The following MIGA2 variants were observed in gnomAD, a reference collection of about 807,000 sequenced individuals.
MIGA2 encodes the protein mitoguardin 2.
In MIGA2, 36 loss-of-function variants were observed where a neutral mutation model predicts 69.9. The observed-to-expected ratio is 0.52, with a 90% CI of 0.39 to 0.68. The LOEUF is 0.68. Ranked by LOEUF, MIGA2 falls within the 30% of genes least tolerant of loss-of-function variation. MIGA2 has a pLI of 0.00. For synonymous variants in MIGA2, 333 were observed against 349.2 expected (o/e 0.95, Z 0.52); for missense variants, 660 against 787.7 (o/e 0.84, Z 1.94).
chr9:129,046,009 A>G (rs573419885), intron 3 of MIGA2, among the ~76,000 whole-genome samples: 8 of 151,910 alleles, frequency 5.3e-5, no homozygotes, highest in Non-Finnish European at 1.2e-4. Flanking sequence ...GCGTGCCACC[A>G]CGCCCAGCTA....
At chr9:129,055,308 C>T (rs1229873214) in intron 6 of MIGA2, among the ~76,000 whole-genome samples, 4 of 151,916 alleles carry the variant, frequency 2.6e-5, no homozygotes, top group Non-Finnish European at 5.9e-5. Context: ...GAACTCCTGA[C>T]CTCAGGTGAT....
rs999114357 is a variant in MIGA2, at chr9:129,049,472, G to A, written c.512G>A (p.Gly171Asp). The A allele has an allele frequency of 6.2e-6, 10 of 1,613,526 alleles. No individual in the cohort carries two copies. Among genetic ancestry groups the A allele is most frequent in the Non-Finnish European group, 8.5e-6 (10 of 1,179,846 alleles). The change falls in exon 5 of 16, where the codon GGC becomes GAC. Residue 171 changes from glycine to aspartate, a missense_variant. This residue lies in a region of MIGA2 where 386 missense variants were observed against 402.0 expected (regional missense o/e 0.96). Transcript: ENST00000684074. ...GMEESLTTSD[G>D]NAESLYMQGM... ...GAGGAGTCTCTGACCACCAGCGACG[G>A]CAATGCAGAGAGCCTGTACATGCAA...
chr9:129,049,353 CTT>C, intron 4 of MIGA2, 26 bp from the exon 5 acceptor site: 1 of 1,609,346 alleles, frequency 6.2e-7, no homozygotes, highest in Non-Finnish European at 8.5e-7. Flanking sequence ...AAGCTTCACT[CTT>C]TCTTCTTGCA....
intron 6 of MIGA2, among the ~76,000 whole-genome samples, chr9:129,055,789 C>T (rs529733298): frequency 2.7e-5 from 4 of 149,768 alleles, no homozygotes; most frequent in Admixed American, 2.0e-4. Flanking sequence ...GCGGAGCCTG[C>T]AGTGAGCTGA....
In MIGA2 at chr9:129,070,373, C is replaced by G; in HGVS notation, c.1702C>G (p.Leu568Val). Reference protein sequence around the residue: ...RRRSEILLGYLGVPAASSAGV... With the variant: ...RRRSEILLGYVGVPAASSAGV... ...CCGCAGCGAGATATTGCTGGGGTACCTGGGGGTGCCCGCGGCCAGCAGCGC... is the reference window on the plus strand; with the variant it reads ...CCGCAGCGAGATATTGCTGGGGTACGTGGGGGTGCCCGCGGCCAGCAGCGC... The change falls in exon 16 of 16, where the codon CTG becomes GTG. Residue 568 changes from leucine to valine, a missense_variant. Leu to Val is a conservative substitution (Grantham distance 32). Around this residue, in one of 3 missense-constraint regions of MIGA2, gnomAD observed 220 missense variants for 301.7 expected, o/e 0.73. Coordinates refer to ENST00000684074, the MANE Select transcript of MIGA2 (RefSeq NM_001329990.2). 6.2e-7 allele frequency: 1 copy of G among 1,612,664 alleles called. No individual in the cohort carries two copies. Among genetic ancestry groups the G allele is most frequent in the Non-Finnish European group, 8.5e-7 (1 of 1,179,842 alleles).
chr9:129,059,307 A>T lies in MIGA2; in HGVS notation c.793+36A>T. On this transcript the variant is annotated intron_variant, in intron 7 of 15. Coordinates refer to ENST00000684074, the MANE Select transcript of MIGA2 (RefSeq NM_001329990.2). This position sits in a 1 kb window ranked among gnomAD's most constrained non-coding sequence, Gnocchi z 5.6. The stretch of plus-strand genomic sequence containing the variant: ...CCCAGTGCAGGTGGGGTGGGCGTGG[A>T]GGGTGGCAGGGATGGAGGTGAGGAG... 1.3e-6 allele frequency: 2 copies of T among 1,486,318 alleles called. No homozygotes were observed. Among genetic ancestry groups the T allele is most frequent in the East Asian group, 2.5e-5 (1 of 40,428 alleles). 92.1% of individuals were successfully genotyped at this position (1,486,318 alleles called of 1,614,324 possible).
intron 3 of MIGA2, 120 bp from the exon 4 acceptor site, chr9:129,048,307 T>G (rs1845339004): frequency 3.5e-6 from 3 of 856,500 alleles, no homozygotes; most frequent in African/African-American, 3.3e-5. Context: ...TTCCCCTGAC[T>G]TAGAAGGTCG....
At position 129,040,581 on chromosome 9, in the gene MIGA2, G is replaced by T; in HGVS notation, c.-14G>T. 2 of 1,607,924 alleles carry T rather than the reference G, an allele frequency of 1.2e-6. No homozygotes were observed. The highest frequency in any genetic ancestry group is 1.7e-6 in the Non-Finnish European group (2 of 1,175,718). Reference sequence around the variant, plus strand: ...CTTGGCCCTGAGGACTTTGCCTGGGGCATTGGCCCTGCCATGGCGTTCCGG... The same window carrying T: ...CTTGGCCCTGAGGACTTTGCCTGGGTCATTGGCCCTGCCATGGCGTTCCGG... On this transcript the variant is annotated 5_prime_UTR_variant, in exon 2 of 16. Coordinates refer to ENST00000684074, the MANE Select transcript of MIGA2 (RefSeq NM_001329990.2).
rs778462992 is a variant in MIGA2 at position 129,049,991 on chromosome 9, C to T, written c.675+28C>T. The T allele has an allele frequency of 3.8e-6, 6 of 1,593,952 alleles. No individual in the cohort carries two copies. The South Asian group carries it at 5.6e-5, about 15-fold the overall frequency. ...AGGTGGTCTTCTGCATCCCCCTACG[C>T]CCATGGGATAAAGTTGGCAGCACAG... On this transcript the variant is annotated intron_variant, in intron 6 of 15. Transcript: ENST00000684074.
At chr9:129,053,266 C>T (rs533261342) in intron 6 of MIGA2, among the ~76,000 whole-genome samples, 4 of 152,220 alleles carry the variant, frequency 2.6e-5, no homozygotes, top group East Asian at 1.9e-4. Context: ...CATGCCAGGA[C>T]GCCTACAACC....
chr9:129,055,683 A>G (rs2131370150), intron 6 of MIGA2, among the ~76,000 whole-genome samples: 1 of 152,146 alleles, frequency 6.6e-6, no homozygotes, highest in South Asian at 2.1e-4. Context: ...CCCCGTCTCT[A>G]CTAAAAATAC....
At position 129,060,727 on chromosome 9, in the gene MIGA2, G is replaced by T; in HGVS notation, c.894+77G>T. The stretch of plus-strand genomic sequence containing the variant: ...CTGCAGGTCCATGGGGCCAGCACTG[G>T]GTCATGGGAAAGTGGAGGCATTTCC... On this transcript the variant is annotated intron_variant, in intron 8 of 15. Transcript: ENST00000684074. The surrounding 1 kb of genome is among the most constrained non-coding windows in gnomAD (Gnocchi z 4.8). 8.1e-7 allele frequency: 1 copy of T among 1,235,326 alleles called. No individual in the cohort carries two copies. The highest frequency in any genetic ancestry group is 1.4e-5 in the South Asian group (1 of 71,472). The allele number at this position is 1,235,326 out of a possible 1,614,324, so 76.5% of individuals were successfully genotyped here.
intron 3 of MIGA2, among the ~76,000 whole-genome samples, chr9:129,045,441 CAAAAAAAAAA>C (rs766649271): frequency 1.0e-4 from 2 of 20,056 alleles, no homozygotes; most frequent in South Asian, 1.5e-3. Flanking sequence ...GACTCTGTCT[CAAAAAAAAAA>C]AAAAAAAAAA....
intron 6 of MIGA2, among the ~76,000 whole-genome samples, chr9:129,054,780 T>C (rs1845711562): frequency 6.6e-6 from 1 of 152,262 alleles, no homozygotes; most frequent in South Asian, 2.1e-4. Context: ...TTTTGGCTCT[T>C]ATGAATAATG....
chr9:129,048,292 C>G, intron 3 of MIGA2, 135 bp from the exon 4 acceptor site: 1 of 769,564 alleles, frequency 1.3e-6, no homozygotes, highest in Non-Finnish European at 2.2e-6. Context: ...CTTGGGGCCC[C>G]TCTGTTCCCC....
intron 11 of MIGA2, among the ~76,000 whole-genome samples, chr9:129,064,409 G>A (rs112540426): frequency 0.011 from 1,589 of 151,268 alleles, 32 homozygotes; most frequent in African/African-American, 0.035. Flanking sequence ...GGGTTTCACC[G>A]TGTTAGCCAG....
At chr9:129,047,666 G>A (rs1845300427) in intron 3 of MIGA2, among the ~76,000 whole-genome samples, 1 of 151,832 alleles carries the variant, frequency 6.6e-6, no homozygotes. Context: ...ACCCACCTCG[G>A]CCTCCCAAAG....
chr9:129,036,946 C>G (rs1389924596), intron 1 of MIGA2: 1 of 1,002,722 alleles, frequency 1.0e-6, no homozygotes, highest in Non-Finnish European at 1.2e-6. Context: ...GTACCCGATC[C>G]GAGGCGGGGA....
At chr9:129,037,945 C>T (rs1055981997) in intron 1 of MIGA2, among the ~76,000 whole-genome samples, 1 of 152,118 alleles carries the variant, frequency 6.6e-6, no homozygotes, top group Non-Finnish European at 1.5e-5. Context: ...TTGGCCATTG[C>T]GAGGGTTCTG....
Sources: allele counts gnomAD v4.1 joint callset (sites outside exome capture counted in the v4.1 genomes callset), GRCh38; gene constraint gnomAD v4.1.1; regional missense constraint gnomAD v4.1.1; non-coding constraint Gnocchi (gnomAD v3.1); transcripts MANE v1.5; gene names NCBI Gene and HGNC (gene_info 2026-07-23, HGNC 2026-07-21).